BBS9: variants seen among roughly 807,000 people sequenced by gnomAD.
BBS9 encodes the protein protein PTHB1.
In BBS9, 89 loss-of-function variants were observed where a neutral mutation model predicts 117.7. The ratio of observed to expected loss-of-function variants is 0.76; its 90% CI spans 0.64 to 0.90. The LOEUF is 0.90. BBS9 is among the 40% of genes least tolerant of loss of function. BBS9 has a pLI of 0.00. For missense variants in BBS9, 982 were observed against 1,042.2 expected, an observed-to-expected ratio of 0.94 and a Z score of 0.80; for synonymous variants, 379 against 370.9, an observed-to-expected ratio of 1.02 and a Z score of -0.25.
At chr7:33,531,635 G>T (rs902006289) in intron 20 of BBS9, among the ~76,000 whole-genome samples, 5 of 152,176 alleles carry the variant, frequency 3.3e-5, no homozygotes, top group Non-Finnish European at 7.3e-5. Flanking sequence ...GGAGGAGAGG[G>T]TACAGAATTG....
intron 21 of BBS9, among the ~76,000 whole-genome samples, chr7:33,548,220 C>A (rs1853732556): frequency 6.6e-6 from 1 of 152,128 alleles, no homozygotes; most frequent in African/African-American, 2.4e-5. Flanking sequence ...GGGAAAAAAT[C>A]TGTCTAAAAG....
Position 33,186,815 on chromosome 7 carries a change from G to A in BBS9, c.442+9224G>A, listed in dbSNP as rs189040296. Among the ~76,000 whole-genome samples the A allele has an allele frequency of 6.5e-3, 987 of 152,166 alleles. 13 individuals are homozygous for A. Among genetic ancestry groups the A allele is most frequent in the South Asian group, 0.041 (197 of 4,824 alleles). On this transcript the variant is annotated intron_variant, in intron 5 of 22. Transcript: ENST00000242067. ...GATTTTGGGTTCTAAAAAAATATTA[G>A]TTTATCTTTGTTTTTTATGCTCTTG...
chr7:33,552,486 C>T (rs1271008478), intron 21 of BBS9, among the ~76,000 whole-genome samples: 1 of 152,110 alleles, frequency 6.6e-6, no homozygotes, highest in Non-Finnish European at 1.5e-5. Context: ...TCTTGGATTC[C>T]TTGTCAGTTT....
intron 5 of BBS9, among the ~76,000 whole-genome samples, chr7:33,247,650 C>A (rs1795554723): frequency 6.6e-6 from 1 of 152,182 alleles, no homozygotes; most frequent in Non-Finnish European, 1.5e-5. Flanking sequence ...CATTGTTGTA[C>A]TATTTAATTA....
chr7:33,178,491 A>G (rs1382044792), intron 5 of BBS9, among the ~76,000 whole-genome samples: 1 of 151,972 alleles, frequency 6.6e-6, no homozygotes, highest in Non-Finnish European at 1.5e-5. Context: ...TTCCAAACCA[A>G]CTTCTCTCCC....
At chr7:33,146,157 C>A in intron 1 of BBS9, 85 bp from the exon 2 acceptor site, 2 of 908,956 alleles carry the variant, frequency 2.2e-6, no homozygotes, top group Non-Finnish European at 3.6e-6. Context: ...CTTCTCAGAT[C>A]TGTCCAAGTT....
At position 33,273,144 on chromosome 7, in the gene BBS9, T is replaced by C; in HGVS notation, c.835T>C (p.Phe279Leu). ...CCTTAAGGATAATGGACAAATTCGA[T>C]TCATGAAGAAGCTTGATTGGAGCCC... is the stretch of plus-strand genomic sequence containing the variant. The part of the protein sequence containing the change: ...FCLKDNGQIR[F>L]MKKLDWSPSC... Residue 279 changes from phenylalanine (F) to leucine (L), a missense_variant, in exon 8 of 23, where the codon TTC (phenylalanine) becomes CTC (leucine). Transcript: ENST00000242067. 1 of 1,613,768 alleles carries C rather than the reference T, an allele frequency of 6.2e-7. No individual in the cohort carries two copies. The highest frequency in any genetic ancestry group is 8.5e-7 in the Non-Finnish European group (1 of 1,179,806).
At chr7:33,493,232 T>TG (rs1844262384) in intron 19 of BBS9, among the ~76,000 whole-genome samples, 1 of 152,164 alleles carries the variant, frequency 6.6e-6, no homozygotes, top group African/African-American at 2.4e-5. Flanking sequence ...TGACCTCAAG[T>TG]GATCGCCTGC....
chr7:33,450,302 C>T (rs1837610480), intron 19 of BBS9, among the ~76,000 whole-genome samples: 1 of 152,220 alleles, frequency 6.6e-6, no homozygotes, highest in Non-Finnish European at 1.5e-5. Context: ...GCTTCTTCCC[C>T]TTGGCAATTG....
At chr7:33,409,364 C>A (rs1224958854) in intron 19 of BBS9, among the ~76,000 whole-genome samples, 1 of 152,150 alleles carries the variant, frequency 6.6e-6, no homozygotes, top group Non-Finnish European at 1.5e-5. Flanking sequence ...CAGTTTCATT[C>A]TTCTCCATAT....
intron 5 of BBS9, among the ~76,000 whole-genome samples, chr7:33,231,119 A>G (rs1035012298): frequency 7.9e-5 from 12 of 152,036 alleles, no homozygotes; most frequent in African/African-American, 2.9e-4. Flanking sequence ...TTTTGTGTAT[A>G]GTGTAAGATG....
At chr7:33,387,715 C>CAATTATTGGTTCAATAA (rs1826281506) in intron 18 of BBS9, among the ~76,000 whole-genome samples, 3 of 152,040 alleles carry the variant, frequency 2.0e-5, no homozygotes, top group Admixed American at 2.0e-4. Context: ...TATTTTTTCC[C>CAATTATTGGTTCAATAA]ATGTAACCAA....
chr7:33,240,594 C>T, intron 5 of BBS9, among the ~76,000 whole-genome samples: 1 of 152,072 alleles, frequency 6.6e-6, no homozygotes, highest in East Asian at 1.9e-4. Flanking sequence ...TGCTCCTTTT[C>T]ACTTCCCCCT....
At chr7:33,205,313 A>G (rs543023977) in intron 5 of BBS9, among the ~76,000 whole-genome samples, 1 of 152,286 alleles carries the variant, frequency 6.6e-6, no homozygotes, top group South Asian at 2.1e-4. Context: ...AAATCCTTCC[A>G]TATACCTCCC....
At position 33,197,629 on chromosome 7, in the gene BBS9, T is replaced by G. The variant is rs76208531; in HGVS notation, c.442+20038T>G. ...TTAAAGTACACTGGTACTCTGATTATAGGATATACTAGATATATAAAATTT... is the reference window on the plus strand; with the variant it reads ...TTAAAGTACACTGGTACTCTGATTAGAGGATATACTAGATATATAAAATTT... On this transcript the variant is annotated intron_variant, in intron 5 of 22. Transcript: ENST00000242067. Among the ~76,000 whole-genome samples, 962 of 152,096 alleles carry G rather than the reference T, an allele frequency of 6.3e-3. 10 individuals carry two copies. The highest frequency in any genetic ancestry group is 0.022 in the African/African-American group (913 of 41,526).
intron 20 of BBS9, among the ~76,000 whole-genome samples, chr7:33,527,700 C>T (rs1039976901): frequency 1.3e-5 from 2 of 152,350 alleles, no homozygotes; most frequent in Non-Finnish European, 2.9e-5. Flanking sequence ...GCAGAAATCA[C>T]CCGTCTTCTG....
intron 19 of BBS9, among the ~76,000 whole-genome samples, chr7:33,490,319 T>TTTTTTC (rs1420073397): frequency 6.6e-6 from 1 of 151,978 alleles, no homozygotes; most frequent in East Asian, 1.9e-4. Flanking sequence ...AAGATCAATC[T>TTTTTTC]TTTTTCTTTT....
At chr7:33,196,273 C>T (rs958717137) in intron 5 of BBS9, among the ~76,000 whole-genome samples, 1 of 152,064 alleles carries the variant, frequency 6.6e-6, no homozygotes, top group Admixed American at 6.5e-5. Flanking sequence ...TAATCAGATC[C>T]TCAGCCTTCA....
chr7:33,429,325 A>G (rs1212685864), intron 19 of BBS9, among the ~76,000 whole-genome samples: 2 of 150,226 alleles, frequency 1.3e-5, no homozygotes, highest in Non-Finnish European at 3.0e-5. Flanking sequence ...GTTATCAGTT[A>G]CTCTAATTCA....
Sources: gnomAD v4.1 joint callset for allele counts (sites outside exome capture counted in the v4.1 genomes callset) on GRCh38, gnomAD v4.1.1 for gene constraint, MANE v1.5 for transcripts, NCBI Gene and HGNC (gene_info 2026-07-23, HGNC 2026-07-21) for gene names.